Variants in GRM7 observed in about 807,000 individuals in gnomAD.
The protein encoded by GRM7 is glutamate metabotropic receptor 7.
A neutral mutation model predicts 84.5 loss-of-function variants in GRM7; 35 were observed. That is an observed-to-expected ratio of 0.41 (90% CI 0.32 to 0.55). The LOEUF (loss-of-function observed/expected upper bound fraction) is 0.55, where lower values mean the gene tolerates loss of function less well. Among genes scored for constraint, GRM7 ranks in the 20% least tolerant of loss-of-function variants. The pLI is 0.19. For synonymous variants in GRM7, 487 were observed against 455.1 expected, an observed-to-expected ratio of 1.07 and a Z score of -0.89; for missense variants, 1,003 against 1,194.6, an observed-to-expected ratio of 0.84 and a Z score of 2.36.
Position 7,452,728 on chromosome 3 carries a change from C to T in GRM7, c.1296C>T (p.Asp432=), listed in dbSNP as rs778889222. 6.2e-7 allele frequency: 1 copy of T among 1,613,338 alleles called. No individual in the cohort carries two copies. Among genetic ancestry groups the T allele is most frequent in the Non-Finnish European group, 8.5e-7 (1 of 1,179,476 alleles). The part of the protein sequence containing the change: ...LHHMNKDLCA[D]YRGVCPEMEQ... ...ACATGAACAAGGATCTCTGTGCTGA[C>T]TACCGGGGTGTCTGCCCAGAGATGG... Residue 432 remains aspartate (D), a synonymous_variant, in exon 6 of 10, where the codon GAC becomes GAT. Transcript: ENST00000357716.
intron 5 of GRM7, among the ~76,000 whole-genome samples, chr3:7,441,105 T>G (rs1449750338): frequency 2.0e-5 from 3 of 152,170 alleles, no homozygotes; most frequent in Non-Finnish European, 4.4e-5. Context: ...TAGTTTACAT[T>G]CCCACCAGCA....
At chr3:7,421,322 C>T (rs1010795249) in intron 5 of GRM7, among the ~76,000 whole-genome samples, 9 of 152,042 alleles carry the variant, frequency 5.9e-5, no homozygotes, top group African/African-American at 2.2e-4. Context: ...ATTCTGAGGG[C>T]AATAATTAGC....
At chr3:6,996,953 C>T (rs923557912) in intron 1 of GRM7, among the ~76,000 whole-genome samples, 8 of 152,108 alleles carry the variant, frequency 5.3e-5, no homozygotes, top group African/African-American at 1.4e-4. Context: ...TACAAACATA[C>T]GGAATCCAGA....
At chr3:7,603,165 C>G (rs1182299221) in intron 8 of GRM7, among the ~76,000 whole-genome samples, 1 of 152,044 alleles carries the variant, frequency 6.6e-6, no homozygotes, top group African/African-American at 2.4e-5. Context: ...TCAAACTTGC[C>G]TATTTTCAGT....
intron 2 of GRM7, among the ~76,000 whole-genome samples, chr3:7,238,949 CCTTTTCCTTTTT>C (rs1431661559): frequency 2.0e-5 from 3 of 146,566 alleles, no homozygotes; most frequent in African/African-American, 7.5e-5. Context: ...TTTCTCTTTT[CCTTTTCCTTTTT>C]CTTTTATTAT....
At chr3:7,638,452 A>T (rs879655082) in intron 8 of GRM7, among the ~76,000 whole-genome samples, 3 of 152,222 alleles carry the variant, frequency 2.0e-5, no homozygotes, top group Non-Finnish European at 4.4e-5. Flanking sequence ...AGATTGCTCT[A>T]GATCCAGTTT....
intron 8 of GRM7, among the ~76,000 whole-genome samples, chr3:7,580,333 G>A (rs905186760): frequency 4.6e-5 from 7 of 152,184 alleles, no homozygotes; most frequent in Admixed American, 1.3e-4. Flanking sequence ...GAGGGCTTAG[G>A]GATAGCTTGA....
At chr3:6,893,132 T>G (rs1696035433) in intron 1 of GRM7, 1 of 152,130 alleles carries the variant, frequency 6.6e-6, no homozygotes, top group South Asian at 2.1e-4. Context: ...TATTTCAATA[T>G]CCTCGAGGGT....
In GRM7 at chr3:6,919,333, C is replaced by T. The variant is rs146421954; in HGVS notation, c.519+57426C>T. Among the ~76,000 whole-genome samples, 8 of 150,150 alleles carry T rather than the reference C, an allele frequency of 5.3e-5. No homozygotes were observed. In the East Asian group the frequency reaches 7.8e-4, roughly 15 times the overall value. On this transcript the variant is annotated intron_variant, in intron 1 of 9. Coordinates refer to ENST00000357716, the MANE Select transcript of GRM7 (RefSeq NM_000844.4). ...TCTGCCCCAGCCGCCTAAGTAGCTG[C>T]GATTATAAGTGCCCACCACCATGCC...
chr3:7,187,224 C>A (rs572914518), intron 2 of GRM7, among the ~76,000 whole-genome samples: 87 of 145,668 alleles, frequency 6.0e-4, no homozygotes, highest in Non-Finnish European at 9.2e-4. Context: ...CACACACACA[C>A]AAAATCTTGT....
chr3:7,365,664 TACACACACGCACACAC>T (rs1693856523), intron 4 of GRM7, among the ~76,000 whole-genome samples: 1 of 144,600 alleles, frequency 6.9e-6, no homozygotes, highest in African/African-American at 2.5e-5. Context: ...TATATATATA[TACACACACGCACACAC>T]ACACACATAT....
intron 1 of GRM7, among the ~76,000 whole-genome samples, chr3:7,107,883 C>G (rs1220040468): frequency 6.6e-6 from 1 of 151,820 alleles, no homozygotes; most frequent in Admixed American, 6.6e-5. Context: ...TAGGACATTG[C>G]CAAAGAGCCA....
intron 9 of GRM7, chr3:7,693,702 T>TGTCC (rs1362483329): frequency 6.7e-7 from 1 of 1,499,024 alleles, no homozygotes; most frequent in Admixed American, 2.0e-5. Flanking sequence ...GGCAAGTATC[T>TGTCC]GTCCTTCTAA....
At chr3:7,547,733 A>G (rs1275082814) in intron 7 of GRM7, among the ~76,000 whole-genome samples, 3 of 152,176 alleles carry the variant, frequency 2.0e-5, no homozygotes, top group African/African-American at 7.2e-5. Context: ...CCTTTTACCC[A>G]TCTGACTCTC....
chr3:7,108,228 A>T (rs1169942807), intron 1 of GRM7, among the ~76,000 whole-genome samples: 1 of 152,068 alleles, frequency 6.6e-6, no homozygotes, highest in East Asian at 1.9e-4. Flanking sequence ...CAGAGTCAAA[A>T]TGAACATCGG....
chr3:7,514,983 A>G (rs1254269510), intron 7 of GRM7, among the ~76,000 whole-genome samples: 1 of 151,968 alleles, frequency 6.6e-6, no homozygotes, highest in Non-Finnish European at 1.5e-5. Flanking sequence ...CTAGTGCTTC[A>G]AACAGAACTG....
At chr3:7,642,045 CCTT>C (rs1411386382) in intron 8 of GRM7, among the ~76,000 whole-genome samples, 2 of 152,054 alleles carry the variant, frequency 1.3e-5, no homozygotes, top group African/African-American at 2.4e-5. Flanking sequence ...ATCTAATAGT[CCTT>C]CTAAAATAAG....
intron 8 of GRM7, among the ~76,000 whole-genome samples, chr3:7,623,384 G>A (rs543320335): frequency 6.6e-6 from 1 of 152,242 alleles, no homozygotes; most frequent in South Asian, 2.1e-4. Flanking sequence ...TCTGCTTCAT[G>A]TATCTTAAAT....
In GRM7 at chr3:7,188,245, G is replaced by A. The variant is rs1484782295; in HGVS notation, c.736+41577G>A. On this transcript the variant is annotated intron_variant, in intron 2 of 9. Transcript: ENST00000357716. This position sits in a 1 kb window ranked among gnomAD's most constrained non-coding sequence, Gnocchi z 4.2. ...GGAAGATCAGCATTATCAGCCTGCA[G>A]AAGAGCCAAAACTCCAGGCAGAGAA... Among the ~76,000 whole-genome samples the A allele has an allele frequency of 1.3e-5, 2 of 152,090 alleles. No homozygotes were observed. Among genetic ancestry groups the A allele is most frequent in the Non-Finnish European group, 2.9e-5 (2 of 68,022 alleles).
Sources: allele counts gnomAD v4.1 joint callset (sites outside exome capture counted in the v4.1 genomes callset), GRCh38; gene constraint gnomAD v4.1.1; non-coding constraint Gnocchi (gnomAD v3.1); transcripts MANE v1.5; gene names NCBI Gene and HGNC (gene_info 2026-07-23, HGNC 2026-07-21).